The following DLEU7 variants were observed in gnomAD, a reference collection of about 807,000 sequenced individuals.
The protein encoded by DLEU7 is leukemia-associated protein 7.
A neutral mutation model predicts 16.0 loss-of-function variants in DLEU7; 17 were observed. The observed-to-expected ratio is 1.06, with a 90% CI of 0.73 to 1.59. The LOEUF (loss-of-function observed/expected upper bound fraction) is 1.59, where lower values mean the gene tolerates loss of function less well. Among genes scored for constraint, DLEU7 ranks in the 40% most tolerant of loss-of-function variants. The pLI is 0.00. For synonymous variants in DLEU7, 113 were observed against 139.8 expected, an observed-to-expected ratio of 0.81 and a Z score of 1.35; for missense variants, 308 against 314.9, an observed-to-expected ratio of 0.98 and a Z score of 0.17.
chr13:50,732,282 A>G (rs1053889417), intron 1 of DLEU7, among the ~76,000 whole-genome samples: 5 of 152,252 alleles, frequency 3.3e-5, no homozygotes, highest in Non-Finnish European at 5.9e-5. Flanking sequence ...AGTGATCTCC[A>G]TCACGTCTCA....
At chr13:50,824,814 A>G (rs1030862850) in intron 1 of DLEU7, among the ~76,000 whole-genome samples, 3 of 152,232 alleles carry the variant, frequency 2.0e-5, no homozygotes, top group African/African-American at 7.2e-5. Context: ...CCATTGCCCT[A>G]CAATAGTATT....
chr13:50,828,823 C>G (rs1435139714), intron 1 of DLEU7, among the ~76,000 whole-genome samples: 1 of 152,190 alleles, frequency 6.6e-6, no homozygotes, highest in Non-Finnish European at 1.5e-5. Context: ...ACAGTGGCAG[C>G]AGGACCACCT....
At chr13:50,735,893 C>G (rs192447063) in intron 1 of DLEU7, among the ~76,000 whole-genome samples, 23 of 152,174 alleles carry the variant, frequency 1.5e-4, no homozygotes, top group African/African-American at 5.5e-4. Flanking sequence ...AGGAATGCTT[C>G]TACACTGTTG....
intron 1 of DLEU7, among the ~76,000 whole-genome samples, chr13:50,800,609 A>C (rs9591363): frequency 2.6e-5 from 4 of 152,150 alleles, no homozygotes; most frequent in African/African-American, 9.7e-5. Flanking sequence ...TTTCCCGCAC[A>C]TTAAAACTTC....
intron 1 of DLEU7, among the ~76,000 whole-genome samples, chr13:50,758,633 G>C (rs1464505994): frequency 6.6e-6 from 1 of 152,140 alleles, no homozygotes; most frequent in Non-Finnish European, 1.5e-5. Flanking sequence ...CTTACCTGCT[G>C]GTTGCCAGGC....
chr13:50,746,078 G>C (rs370391859), intron 1 of DLEU7, among the ~76,000 whole-genome samples: 5 of 152,056 alleles, frequency 3.3e-5, no homozygotes, highest in African/African-American at 1.2e-4. Context: ...TGTCTGCTTC[G>C]GTTTCCTTAT....
At chr13:50,716,817 C>A (rs1321514341) in intron 1 of DLEU7, among the ~76,000 whole-genome samples, 1 of 152,124 alleles carries the variant, frequency 6.6e-6, no homozygotes, top group East Asian at 1.9e-4. Flanking sequence ...AGATCTAGTA[C>A]ACCAGGCTTA....
At chr13:50,823,575 G>A in intron 1 of DLEU7, 55 bp from the exon 2 acceptor site, 1 of 1,519,364 alleles carries the variant, frequency 6.6e-7, no homozygotes. Context: ...GGGGCCAATT[G>A]TTGTACTTTG....
rs200725563 is a variant in DLEU7, at chr13:50,776,031, T to C, written c.460-62791A>G. 9.8e-5 allele frequency among the ~76,000 whole-genome samples: 15 copies of C among 152,336 alleles called. No homozygotes were observed. In the East Asian group the frequency reaches 2.7e-3, roughly 27 times the overall value. Reference sequence around the variant, plus strand: ...CTGTTTTTTCAAATCAGCCTTTTATTCCCATGAAGATGTTGTTTGTTTCTT... The same window carrying C: ...CTGTTTTTTCAAATCAGCCTTTTATCCCCATGAAGATGTTGTTTGTTTCTT... On this transcript the variant is annotated intron_variant, in intron 1 of 1. Transcript: ENST00000400393.
At chr13:50,829,398 A>G (rs1026021583) in intron 1 of DLEU7, among the ~76,000 whole-genome samples, 1 of 152,238 alleles carries the variant, frequency 6.6e-6, no homozygotes, top group African/African-American at 2.4e-5. Context: ...AATTCAAAAT[A>G]GAAGGAACCA....
chr13:50,816,498 G>A (rs919361470), intron 1 of DLEU7, among the ~76,000 whole-genome samples: 1 of 152,068 alleles, frequency 6.6e-6, no homozygotes, highest in Non-Finnish European at 1.5e-5. Context: ...AGAATAGTTA[G>A]CCATAAAAAC....
downstream of DLEU7, among the ~76,000 whole-genome samples, chr13:50,822,159 GT>G (rs1876927302): frequency 3.9e-5 from 6 of 152,098 alleles, no homozygotes; most frequent in Admixed American, 2.6e-4. Flanking sequence ...GAAATGGTCA[GT>G]TACGTCCAAA....
At chr13:50,753,951 G>C (rs986342108) in intron 1 of DLEU7, among the ~76,000 whole-genome samples, 9 of 152,214 alleles carry the variant, frequency 5.9e-5, no homozygotes, top group Admixed American at 5.2e-4. Context: ...TTCAGGAGCA[G>C]GTTATTTAAT....
rs867917062 is a variant in DLEU7, at chr13:50,843,552, TC to T, written c.94del (p.Asp32ThrfsTer59). On this transcript the variant is annotated frameshift_variant, in exon 1 of 2. Transcript: ENST00000504404. LOFTEE classifies it high-confidence loss of function. This position sits in a 1 kb window ranked among gnomAD's most constrained non-coding sequence, Gnocchi z 5.7. ...QLLQQEWGWG[D>X]GPVAPGNPRD... ...CGGGTTCCCGGGGGCGACTGGACCG[TC>T]CCCCCAGCCCCACTCCTGCTGCAGC... 11 of 1,461,108 alleles carry T rather than the reference TC, an allele frequency of 7.5e-6. No individual in the cohort carries two copies. Among genetic ancestry groups the T allele is most frequent in the South Asian group, 4.0e-5 (3 of 75,398 alleles). 90.5% of individuals were successfully genotyped at this position (1,461,108 alleles called of 1,614,324 possible). A position where few individuals can be genotyped will look rare whatever the true frequency, so the allele number is the denominator to read the frequency against.
intron 1 of DLEU7, among the ~76,000 whole-genome samples, chr13:50,810,467 CA>C (rs201352430): frequency 0.012 from 1,894 of 151,980 alleles, 28 homozygotes; most frequent in East Asian, 0.034. Flanking sequence ...GTTTTAATAC[CA>C]AAAGGGAAAG....
intron 1 of DLEU7, among the ~76,000 whole-genome samples, chr13:50,740,749 A>G (rs1315898871): frequency 6.6e-6 from 1 of 152,194 alleles, no homozygotes; most frequent in Admixed American, 6.5e-5. Context: ...CAAATGAACC[A>G]AAGCAAAAAT....
In DLEU7 at chr13:50,823,433, G is replaced by T; in HGVS notation, c.547C>A (p.Gln183Lys). 1 of 1,535,894 alleles carries T rather than the reference G, an allele frequency of 6.5e-7. No individual in the cohort carries two copies. Among genetic ancestry groups the T allele is most frequent in the South Asian group, 1.2e-5 (1 of 84,058 alleles). ...TTCTTGACTATTGTCTTCAAACACT[G>T]GTGGGCAGCATTCAAGTCTCTGTCA... ...QFDRDLNAAH[Q>K]CLKTIVKKLI... The change falls in exon 2 of 2, where the codon CAG becomes AAG. Residue 183 changes from glutamine (Q) to lysine (K), a missense_variant. Physicochemically the swap from Gln to Lys is moderately conservative, Grantham distance 53. Coordinates refer to ENST00000504404, the MANE Select transcript of DLEU7 (RefSeq NM_001306135.2).
intron 1 of DLEU7, among the ~76,000 whole-genome samples, chr13:50,794,222 T>C (rs1876046986): frequency 6.6e-6 from 1 of 152,164 alleles, no homozygotes; most frequent in Admixed American, 6.5e-5. Flanking sequence ...GGTCAATAGA[T>C]ATTTGTTGAG....
intron 1 of DLEU7, among the ~76,000 whole-genome samples, chr13:50,768,202 A>G (rs866670154): frequency 3.1e-4 from 47 of 152,104 alleles, no homozygotes; most frequent in Admixed American, 1.3e-3. Flanking sequence ...TAAATTATGT[A>G]TGTGTGTGTG....
Sources: gnomAD v4.1 joint callset for allele counts (sites outside exome capture counted in the v4.1 genomes callset) on GRCh38, gnomAD v4.1.1 for gene constraint, Gnocchi (gnomAD v3.1) non-coding constraint, MANE v1.5 for transcripts, NCBI Gene and HGNC (gene_info 2026-07-23, HGNC 2026-07-21) for gene names.